DIO1: variants seen among roughly 807,000 people sequenced by gnomAD.
The protein encoded by DIO1 is type I iodothyronine deiodinase.
DIO1 carries 17 observed loss-of-function variants against 25.9 expected under a neutral mutation model. The ratio of observed to expected loss-of-function variants is 0.66; its 90% CI spans 0.45 to 0.98. The LOEUF is 0.98. Ranked by LOEUF, DIO1 falls within the 50% of genes least tolerant of loss-of-function variation. DIO1 has a pLI of 0.00. For missense variants in DIO1, 270 were observed against 310.4 expected, an observed-to-expected ratio of 0.87 and a Z score of 0.98; for synonymous variants, 115 against 114.0, an observed-to-expected ratio of 1.01 and a Z score of -0.05.
At chr1:53,900,440 C>T (rs571536832) in intron 1 of DIO1, among the ~76,000 whole-genome samples, 149 of 152,190 alleles carry the variant, frequency 9.8e-4, no homozygotes, top group African/African-American at 3.4e-3. Context: ...CCTGTCTCTA[C>T]TAAAAATACA....
In DIO1 at chr1:53,894,655, T is replaced by G; in HGVS notation, c.337+108T>G. On this transcript the variant is annotated intron_variant, in intron 1 of 3. Transcript: ENST00000361921. The surrounding 1 kb of genome is among the most constrained non-coding windows in gnomAD (Gnocchi z 4.9). The stretch of plus-strand genomic sequence containing the variant: ...ATTCTCCTACTACTTTTGCTGCTCC[T>G]TTTGGACCTTCTTGTCCTCTTCCTG... 1.9e-6 allele frequency: 2 copies of G among 1,038,432 alleles called. No homozygotes were observed. Among genetic ancestry groups the G allele is most frequent in the African/African-American group, 3.2e-5 (2 of 62,520 alleles). The allele number at this position is 1,038,432 out of a possible 1,614,324, so 64.3% of individuals were successfully genotyped here. A position where few individuals can be genotyped will look rare whatever the true frequency, so the allele number is the denominator to read the frequency against.
At chr1:53,906,444 C>T (rs1443821938) in intron 3 of DIO1, 150 bp downstream of exon 3, 1 of 671,224 alleles carries the variant, frequency 1.5e-6, no homozygotes, top group Admixed American at 2.9e-5. Context: ...GCTTTCACTT[C>T]TTGGAGTTCC....
intron 1 of DIO1, among the ~76,000 whole-genome samples, chr1:53,899,245 C>T (rs558121547): frequency 1.1e-4 from 16 of 152,308 alleles, no homozygotes; most frequent in East Asian, 5.8e-4. Context: ...AATCTTCTAA[C>T]GTCTTTCCAG....
chr1:53,900,111 G>A (rs996212882), intron 1 of DIO1, among the ~76,000 whole-genome samples: 1 of 152,182 alleles, frequency 6.6e-6, no homozygotes, highest in Admixed American at 6.5e-5. Flanking sequence ...GAGGGGCTTC[G>A]TATGTCCAGT....
Position 53,903,628 on chromosome 1 carries a change from C to T in DIO1, c.338-1038C>T, listed in dbSNP as rs570132307. Among the ~76,000 whole-genome samples the T allele has an allele frequency of 2.6e-4, 40 of 151,988 alleles. No individual in the cohort carries two copies. The East Asian group carries it at 6.2e-3, about 23-fold the overall frequency. On this transcript the variant is annotated intron_variant, in intron 1 of 3. Coordinates refer to ENST00000361921, the MANE Select transcript of DIO1 (RefSeq NM_000792.7). ...CTTTGGGAGGCCGAGGCCGGCGGATCACTTGAGGTCAGGAGTCTGAGACCA... is the reference window on the plus strand; with the variant it reads ...CTTTGGGAGGCCGAGGCCGGCGGATTACTTGAGGTCAGGAGTCTGAGACCA...
chr1:53,909,098 A>C (rs1212481195), intron 3 of DIO1, among the ~76,000 whole-genome samples: 1 of 148,386 alleles, frequency 6.7e-6, no homozygotes, highest in East Asian at 2.0e-4. Flanking sequence ...TCTCAAAAAA[A>C]AAAAAGAAAA....
chr1:53,906,010 C>T, intron 2 of DIO1, 85 bp from the exon 3 acceptor site: 4 of 1,306,198 alleles, frequency 3.1e-6, no homozygotes, highest in Non-Finnish European at 4.3e-6. Flanking sequence ...CCTCTGAGAA[C>T]CTCAGTTAAA....
In DIO1 at chr1:53,903,677, C is replaced by T. The variant is rs185608542; in HGVS notation, c.338-989C>T. On this transcript the variant is annotated intron_variant, in intron 1 of 3. Coordinates refer to ENST00000361921, the MANE Select transcript of DIO1 (RefSeq NM_000792.7). The stretch of plus-strand genomic sequence containing the variant: ...CAGCCTGGCCAACATAGTGAAACCC[C>T]GTCTCTACTAAAAATACAAAAATTA... Among the ~76,000 whole-genome samples the T allele has an allele frequency of 6.2e-3, 934 of 151,612 alleles. 37 individuals are homozygous for T. Among genetic ancestry groups the T allele is most frequent in the African/African-American group, 0.021 (879 of 41,040 alleles).
chr1:53,906,559 C>T (rs75861516), intron 3 of DIO1, among the ~76,000 whole-genome samples: 9,323 of 152,272 alleles, frequency 0.061, 958 homozygotes, highest in African/African-American at 0.21. Flanking sequence ...TGCATCCTCC[C>T]GGCTTCCTTT....
At position 53,910,716 on chromosome 1, in the gene DIO1, C is replaced by G. The variant is rs1403182546; in HGVS notation, c.*717C>G. The G allele has an allele frequency of 6.6e-6, 1 of 152,316 alleles. No homozygotes were observed. The highest frequency in any genetic ancestry group is 2.4e-5 in the African/African-American group (1 of 41,450). 9.4% of individuals were successfully genotyped at this position (152,316 alleles called of 1,614,324 possible). On this transcript the variant is annotated 3_prime_UTR_variant, in exon 4 of 4. Coordinates refer to ENST00000361921, the MANE Select transcript of DIO1 (RefSeq NM_000792.7). ...ATATATTTCATAGAAATCTAGCTCTCTGTACCCTGAAATCTTCCACTAGCC... is the reference window on the plus strand; with the variant it reads ...ATATATTTCATAGAAATCTAGCTCTGTGTACCCTGAAATCTTCCACTAGCC...
intron 1 of DIO1, among the ~76,000 whole-genome samples, chr1:53,895,632 C>T (rs1651034220): frequency 6.6e-6 from 1 of 152,178 alleles, no homozygotes; most frequent in African/African-American, 2.4e-5. Flanking sequence ...TCTCTGAGTA[C>T]ATACCAGCTC....
chr1:53,895,136 A>G (rs1234993834), intron 1 of DIO1, among the ~76,000 whole-genome samples: 1 of 152,152 alleles, frequency 6.6e-6, no homozygotes, highest in Non-Finnish European at 1.5e-5. Flanking sequence ...CTTGTTAAAG[A>G]GCTCTCGGCT....
At chr1:53,903,785 T>G (rs956904444) in intron 1 of DIO1, among the ~76,000 whole-genome samples, 10 of 151,468 alleles carry the variant, frequency 6.6e-5, no homozygotes, top group Non-Finnish European at 1.5e-4. Context: ...GGAGGCGGAG[T>G]TTGCAGTGAG....
chr1:53,896,245 T>G (rs1651072605), intron 1 of DIO1, among the ~76,000 whole-genome samples: 1 of 136,358 alleles, frequency 7.3e-6, no homozygotes, highest in Non-Finnish European at 1.5e-5. Context: ...TGAGACAGAG[T>G]CTCACTCTAC....
At chr1:53,908,629 A>G (rs1031942638) in intron 3 of DIO1, among the ~76,000 whole-genome samples, 4 of 152,136 alleles carry the variant, frequency 2.6e-5, no homozygotes, top group Non-Finnish European at 4.4e-5. Context: ...TCACTGCGGT[A>G]TAGGGAAGAG....
intron 1 of DIO1, among the ~76,000 whole-genome samples, chr1:53,900,437 C>G (rs551410288): frequency 6.6e-6 from 1 of 152,190 alleles, no homozygotes; most frequent in South Asian, 2.1e-4. Flanking sequence ...AACCCTGTCT[C>G]TACTAAAAAT....
chr1:53,900,144 A>G (rs910748142), intron 1 of DIO1, among the ~76,000 whole-genome samples: 2 of 152,220 alleles, frequency 1.3e-5, no homozygotes, highest in African/African-American at 4.8e-5. Flanking sequence ...CTTTCCTCTC[A>G]TATGCTAAAA....
intron 1 of DIO1, 58 bp from the exon 2 acceptor site, chr1:53,904,608 G>A (rs936475148): frequency 1.2e-5 from 19 of 1,582,442 alleles, no homozygotes; most frequent in Non-Finnish European, 1.5e-5. Context: ...TGAAAATGGT[G>A]CTTGTAAAAG....
In DIO1 at chr1:53,899,405, T is replaced by A. The variant is rs149938805; in HGVS notation, c.337+4858T>A. Among the ~76,000 whole-genome samples the A allele has an allele frequency of 1.8e-4, 28 of 152,324 alleles. 1 individual carries two copies. Among genetic ancestry groups the A allele is most frequent in the African/African-American group, 6.5e-4 (27 of 41,574 alleles). On this transcript the variant is annotated intron_variant, in intron 1 of 3. Coordinates refer to ENST00000361921, the MANE Select transcript of DIO1 (RefSeq NM_000792.7). ...TCTTCACTGGATTCTCGAAATGGTG[T>A]TCTCTGCACTGTGGTCTGTGGACAT...
Sources: gnomAD v4.1 joint callset for allele counts (sites outside exome capture counted in the v4.1 genomes callset) on GRCh38, gnomAD v4.1.1 for gene constraint, Gnocchi (gnomAD v3.1) non-coding constraint, MANE v1.5 for transcripts, NCBI Gene and HGNC (gene_info 2026-07-23, HGNC 2026-07-21) for gene names.